The following FMN1 variants were observed in gnomAD, a reference collection of about 807,000 sequenced individuals.
FMN1 encodes formin-1.
In FMN1, 110 loss-of-function variants were observed where a neutral mutation model predicts 132.4. The observed-to-expected ratio is 0.83, with a 90% CI of 0.71 to 0.97. FMN1 has a LOEUF of 0.97. Among genes scored for constraint, FMN1 ranks in the 50% least tolerant of loss-of-function variants. FMN1 has a pLI of 0.00. For synonymous variants in FMN1, 722 were observed against 651.7 expected, an observed-to-expected ratio of 1.11 and a Z score of -1.64; for missense variants, 1,792 against 1,705.3, an observed-to-expected ratio of 1.05 and a Z score of -0.90.
rs891137491 is a variant in FMN1, at chr15:33,007,133, T to C, written c.2223+881A>G. Among the ~76,000 whole-genome samples the C allele has an allele frequency of 8.5e-5, 13 of 152,324 alleles. No homozygotes were observed. In the South Asian group the frequency reaches 1.0e-3, roughly 12 times the overall value. On this transcript the variant is annotated intron_variant, in intron 7 of 20. Coordinates refer to ENST00000616417, the MANE Select transcript of FMN1 (RefSeq NM_001277313.2). ...GTATATATTAATTAGCTCAATTTAG[T>C]TACTCCACAATATATACATATTTCA...
chr15:33,014,362 G>T (rs2034914491), intron 6 of FMN1, among the ~76,000 whole-genome samples: 2 of 152,186 alleles, frequency 1.3e-5, no homozygotes, highest in Admixed American at 6.5e-5. Context: ...AAGGATGTGT[G>T]TATTTGTTAA....
In FMN1 at chr15:32,774,160, G is replaced by A. The variant is rs559999401; in HGVS notation, c.*150C>T. The A allele has an allele frequency of 8.7e-5, 58 of 662,866 alleles. No individual in the cohort carries two copies. The African/African-American group carries it at 1.0e-3, about 12-fold the overall frequency. 41.1% of individuals were successfully genotyped at this position (662,866 alleles called of 1,614,324 possible). A position where few individuals can be genotyped will look rare whatever the true frequency, so the allele number is the denominator to read the frequency against. On this transcript the variant is annotated 3_prime_UTR_variant, in exon 21 of 21. Coordinates refer to ENST00000616417, the MANE Select transcript of FMN1 (RefSeq NM_001277313.2). The stretch of plus-strand genomic sequence containing the variant: ...AGGGACTTCTTAAAGAAGGCATGGG[G>A]CACTCTCTGCAGATGACCTCAGAAA...
chr15:33,083,497 A>C (rs963333515), intron 5 of FMN1, among the ~76,000 whole-genome samples: 1 of 152,166 alleles, frequency 6.6e-6, no homozygotes, highest in Non-Finnish European at 1.5e-5. Flanking sequence ...AGGTTGAGCT[A>C]ATCACCAATG....
rs985066548 is a variant in FMN1 at position 33,129,593 on chromosome 15, C to T, written c.1867+23455G>A. On this transcript the variant is annotated intron_variant, in intron 4 of 20. Coordinates refer to ENST00000616417, the MANE Select transcript of FMN1 (RefSeq NM_001277313.2). ...AGCATGACCTTATGAGTCTCACAAC[C>T]ATCCACTGTCGTGGGTGTCACCCCA... Among the ~76,000 whole-genome samples the T allele has an allele frequency of 5.9e-5, 9 of 152,132 alleles. No homozygotes were observed. The South Asian group carries it at 6.2e-4, about 10-fold the overall frequency.
chr15:32,865,574 C>T (rs926774430), intron 16 of FMN1, among the ~76,000 whole-genome samples: 3 of 152,174 alleles, frequency 2.0e-5, no homozygotes, highest in South Asian at 2.1e-4. Flanking sequence ...AGGTGGCTCA[C>T]GCCTGTGATC....
At chr15:33,042,778 C>CTTT (rs5811727) in intron 6 of FMN1, among the ~76,000 whole-genome samples, 80,613 of 149,566 alleles carry the variant, frequency 0.54, 22,188 homozygotes, top group Admixed American at 0.62. Context: ...AACCCCCCAA[C>CTTT]TTTTTTTTTT....
intron 6 of FMN1, among the ~76,000 whole-genome samples, chr15:33,017,419 G>T (rs899870774): frequency 1.1e-5 from 1 of 93,842 alleles, no homozygotes; most frequent in African/African-American, 4.0e-5. Flanking sequence ...GACGGTGAGA[G>T]GGAACTCTAC....
chr15:32,843,600 A>G (rs2058793296), intron 17 of FMN1, among the ~76,000 whole-genome samples: 1 of 152,250 alleles, frequency 6.6e-6, no homozygotes, highest in South Asian at 2.1e-4. Context: ...ATGCTCCCCT[A>G]GAATTACTAT....
chr15:33,125,735 G>C (rs911694830), intron 4 of FMN1, among the ~76,000 whole-genome samples: 4 of 147,818 alleles, frequency 2.7e-5, no homozygotes, highest in African/African-American at 8.0e-5. Flanking sequence ...AATGAAGTCT[G>C]TTAAATGGCC....
intron 9 of FMN1, among the ~76,000 whole-genome samples, chr15:32,943,788 T>A (rs1180100644): frequency 6.6e-6 from 1 of 152,204 alleles, no homozygotes; most frequent in African/African-American, 2.4e-5. Flanking sequence ...GCCTTAGGTT[T>A]AATTTTTATT....
chr15:33,185,261 C>A (rs546272104), intron 2 of FMN1, among the ~76,000 whole-genome samples: 1 of 152,108 alleles, frequency 6.6e-6, no homozygotes, highest in East Asian at 1.9e-4. Context: ...TGTTTAGGTG[C>A]CATGGCAATA....
chr15:33,066,585 C>T, intron 5 of FMN1: 1 of 1,612,988 alleles, frequency 6.2e-7, no homozygotes, highest in Non-Finnish European at 8.5e-7. Context: ...GACTCCTTCT[C>T]ATGTCTCATC....
Position 32,898,935 on chromosome 15 carries a change from A to G in FMN1, c.3655-42T>C, listed in dbSNP as rs773156868. 6.1e-6 allele frequency: 8 copies of G among 1,318,298 alleles called. No individual in the cohort carries two copies. The East Asian group carries it at 1.4e-4, about 23-fold the overall frequency. 81.7% of individuals were successfully genotyped at this position (1,318,298 alleles called of 1,614,324 possible). On this transcript the variant is annotated intron_variant, in intron 14 of 20. Transcript: ENST00000616417. ...AATGTACATGAAAATCATTCCCATG[A>G]GACTGTCATGTTACACGGTTGAGAG...
chr15:33,036,929 A>G (rs188250973), intron 6 of FMN1, among the ~76,000 whole-genome samples: 1 of 152,264 alleles, frequency 6.6e-6, no homozygotes, highest in Non-Finnish European at 1.5e-5. Context: ...TTTAAATTAT[A>G]AAAGCAATGA....
At position 33,169,450 on chromosome 15, in the gene FMN1, G is replaced by T. The variant is rs189755945; in HGVS notation, c.-132+10748C>A. On this transcript the variant is annotated intron_variant, in intron 3 of 20. Coordinates refer to ENST00000616417, the MANE Select transcript of FMN1 (RefSeq NM_001277313.2). ...AATTTGATTGAAGGAATAAATATAC[G>T]CAATAAAAAAATTCAAACGGAATTT... 1.3e-4 allele frequency among the ~76,000 whole-genome samples: 20 copies of T among 152,050 alleles called. No individual in the cohort carries two copies. In the East Asian group the frequency reaches 3.1e-3, roughly 23 times the overall value.
intron 5 of FMN1, among the ~76,000 whole-genome samples, chr15:33,084,578 C>T (rs2038615875): frequency 6.6e-6 from 1 of 152,098 alleles, no homozygotes; most frequent in Non-Finnish European, 1.5e-5. Flanking sequence ...TTATGAAAAA[C>T]ACGTACACTT....
intron 5 of FMN1, among the ~76,000 whole-genome samples, chr15:33,075,169 T>C (rs1182911641): frequency 1.3e-5 from 2 of 151,966 alleles, no homozygotes; most frequent in East Asian, 1.9e-4. Flanking sequence ...GTAAGAACAG[T>C]ACCTACACTT....
chr15:33,012,630 C>T, intron 6 of FMN1: 1 of 939,332 alleles, frequency 1.1e-6, no homozygotes, highest in Non-Finnish European at 1.7e-6. Flanking sequence ...CTGCAAATGA[C>T]CACAACTGTG....
At chr15:32,876,796 T>C (rs1325544469) in intron 16 of FMN1, among the ~76,000 whole-genome samples, 2 of 152,214 alleles carry the variant, frequency 1.3e-5, no homozygotes, top group African/African-American at 4.8e-5. Flanking sequence ...GGAAGACCTA[T>C]AGGACTGCAT....
Sources: gnomAD v4.1 joint callset for allele counts (sites outside exome capture counted in the v4.1 genomes callset) on GRCh38, gnomAD v4.1.1 for gene constraint, MANE v1.5 for transcripts, NCBI Gene and HGNC (gene_info 2026-07-23, HGNC 2026-07-21) for gene names.